Variants in DLGAP1 observed in about 807,000 individuals in gnomAD.
DLGAP1 encodes the protein disks large-associated protein 1.
DLGAP1 carries 11 observed loss-of-function variants against 90.8 expected under a neutral mutation model. The ratio of observed to expected loss-of-function variants is 0.12; its 90% CI spans 0.08 to 0.20. The LOEUF is 0.20. Among genes scored for constraint, DLGAP1 ranks in the 10% least tolerant of loss-of-function variants. The pLI is 1.00. For synonymous variants in DLGAP1, 558 were observed against 540.7 expected, an observed-to-expected ratio of 1.03 and a Z score of -0.44; for missense variants, 1,050 against 1,333.8, an observed-to-expected ratio of 0.79 and a Z score of 3.31.
chr18:3,766,511 AG>A (rs2064250110), intron 5 of DLGAP1, among the ~76,000 whole-genome samples: 1 of 152,150 alleles, frequency 6.6e-6, no homozygotes, highest in African/African-American at 2.4e-5. Context: ...ACCCAAGAAC[AG>A]CGGAATACTC....
chr18:3,646,368 G>A (rs1026728107), intron 7 of DLGAP1, among the ~76,000 whole-genome samples: 1 of 152,008 alleles, frequency 6.6e-6, no homozygotes, highest in African/African-American at 2.4e-5. Context: ...GCTCTAGCCT[G>A]GGCAAGATCC....
intron 3 of DLGAP1, among the ~76,000 whole-genome samples, chr18:3,954,721 C>T (rs1207870642): frequency 2.0e-5 from 3 of 152,166 alleles, no homozygotes; most frequent in African/African-American, 7.2e-5. Flanking sequence ...TGAGATACTT[C>T]TTCCTAAGAC....
At chr18:3,673,178 C>T (rs2060161365) in intron 7 of DLGAP1, among the ~76,000 whole-genome samples, 1 of 152,140 alleles carries the variant, frequency 6.6e-6, no homozygotes. Flanking sequence ...TCTGTGCGTG[C>T]CTGGGGAGCC....
At chr18:3,767,249 T>G (rs2064290894) in intron 5 of DLGAP1, among the ~76,000 whole-genome samples, 1 of 152,106 alleles carries the variant, frequency 6.6e-6, no homozygotes, top group Non-Finnish European at 1.5e-5. Context: ...ATATTGACTT[T>G]GTAATTTAAA....
intron 7 of DLGAP1, among the ~76,000 whole-genome samples, chr18:3,674,296 A>ATATATATAT (rs1555623972): frequency 0.11 from 13,832 of 128,752 alleles, 987 homozygotes; most frequent in East Asian, 0.15. Flanking sequence ...ATAATATTAA[A>ATATATATAT]ATATATATAT....
At chr18:4,436,748 T>C (rs2083409154) in intron 1 of DLGAP1, among the ~76,000 whole-genome samples, 1 of 152,332 alleles carries the variant, frequency 6.6e-6, no homozygotes, top group South Asian at 2.1e-4. Flanking sequence ...AAGTTCCTTC[T>C]TGGATTCAGC....
intron 9 of DLGAP1, among the ~76,000 whole-genome samples, chr18:3,544,003 A>G (rs1170005209): frequency 6.6e-6 from 1 of 151,798 alleles, no homozygotes; most frequent in East Asian, 1.9e-4. Flanking sequence ...ACAAACAAAC[A>G]AACAAAAACA....
At chr18:3,800,106 T>C (rs2066216917) in intron 5 of DLGAP1, among the ~76,000 whole-genome samples, 1 of 152,226 alleles carries the variant, frequency 6.6e-6, no homozygotes, top group Non-Finnish European at 1.5e-5. Context: ...AGCAGGGAAT[T>C]GGAACAGCAG....
intron 3 of DLGAP1, among the ~76,000 whole-genome samples, chr18:3,964,707 T>C (rs1269894441): frequency 6.6e-6 from 1 of 152,188 alleles, no homozygotes; most frequent in Non-Finnish European, 1.5e-5. Context: ...CAATGATACA[T>C]GGTAGCCACT....
rs1555718019 is a variant in DLGAP1 at position 3,977,434 on chromosome 18, G to GTGTTTTTTTTTTTTTTTTTTTT, written c.-73+27681_-73+27682insAAAAAAAAAAAAAAAAAAAACA. On this transcript the variant is annotated intron_variant, in intron 3 of 12. Transcript: ENST00000315677. ...AGTTAATGAATTATGTTTATTCTGTGTTTTTTTTTTTTTTTTTTTTGCTGA... is the reference window on the plus strand; with the variant it reads ...AGTTAATGAATTATGTTTATTCTGTGTGTTTTTTTTTTTTTTTTTTTTTTTTTTTTTTTTTTTTTTTTGCTGA... Among the ~76,000 whole-genome samples the GTGTTTTTTTTTTTTTTTTTTTT allele has an allele frequency of 3.7e-4, 35 of 95,340 alleles. 1 individual carries two copies. Among genetic ancestry groups the GTGTTTTTTTTTTTTTTTTTTTT allele is most frequent in the African/African-American group, 1.4e-3 (33 of 23,974 alleles). 62.5% of individuals were successfully genotyped at this position (95,340 alleles called of 152,430 possible).
chr18:3,708,891 C>T lies in DLGAP1; in HGVS notation c.1591+20244G>A, dbSNP rs558324951. 2.2e-4 allele frequency among the ~76,000 whole-genome samples: 33 copies of T among 152,260 alleles called. 1 individual carries two copies. The South Asian group carries it at 6.0e-3, about 28-fold the overall frequency. On this transcript the variant is annotated intron_variant, in intron 7 of 12. Coordinates refer to ENST00000315677, the MANE Select transcript of DLGAP1 (RefSeq NM_004746.4). ...GAAGAAGGGAGAGAGGACCAGGTTT[C>T]TTTAAAAACAGATTTTTCAGGGAAA...
At chr18:4,011,597 G>A (rs1263152807) in intron 2 of DLGAP1, among the ~76,000 whole-genome samples, 1 of 151,976 alleles carries the variant, frequency 6.6e-6, no homozygotes, top group African/African-American at 2.4e-5. Flanking sequence ...CAGGAGGATT[G>A]CTTGAGCTCA....
intron 1 of DLGAP1, among the ~76,000 whole-genome samples, chr18:4,286,058 C>T (rs1396818032): frequency 2.0e-5 from 3 of 152,116 alleles, no homozygotes; most frequent in Non-Finnish European, 4.4e-5. Flanking sequence ...GTCACTCCGG[C>T]AAACTCAGAA....
chr18:3,847,448 G>T (rs2069081636), intron 4 of DLGAP1, among the ~76,000 whole-genome samples: 1 of 151,920 alleles, frequency 6.6e-6, no homozygotes, highest in Non-Finnish European at 1.5e-5. Flanking sequence ...ATCTGCAAGA[G>T]TAAGAGCACC....
chr18:3,651,661 G>T (rs2059308353), intron 7 of DLGAP1, among the ~76,000 whole-genome samples: 1 of 151,234 alleles, frequency 6.6e-6, no homozygotes, highest in African/African-American at 2.4e-5. Flanking sequence ...GGGTGCAGTG[G>T]TTCACGCCTG....
chr18:3,776,417 C>T (rs530327406), intron 5 of DLGAP1, among the ~76,000 whole-genome samples: 1 of 152,276 alleles, frequency 6.6e-6, no homozygotes, highest in Admixed American at 6.5e-5. Flanking sequence ...TAGTCAGTCT[C>T]TTCTGTTTTT....
At chr18:4,138,428 ATTTC>A in intron 2 of DLGAP1, among the ~76,000 whole-genome samples, 1 of 152,026 alleles carries the variant, frequency 6.6e-6, no homozygotes, top group African/African-American at 2.4e-5. Context: ...TTGGGCAAAT[ATTTC>A]TATTGATATG....
At chr18:3,638,080 G>A (rs1391711713) in intron 7 of DLGAP1, among the ~76,000 whole-genome samples, 1 of 151,118 alleles carries the variant, frequency 6.6e-6, no homozygotes, top group Non-Finnish European at 1.5e-5. Context: ...CCGGGTAGCT[G>A]GGAGTACAGG....
At chr18:4,054,140 A>G (rs2075178040) in intron 2 of DLGAP1, among the ~76,000 whole-genome samples, 1 of 152,168 alleles carries the variant, frequency 6.6e-6, no homozygotes, top group Non-Finnish European at 1.5e-5. Flanking sequence ...ACTTTCTCTC[A>G]TGATTCTCAC....
Sources: allele counts gnomAD v4.1 joint callset (sites outside exome capture counted in the v4.1 genomes callset), GRCh38; gene constraint gnomAD v4.1.1; transcripts MANE v1.5; gene names NCBI Gene and HGNC (gene_info 2026-07-23, HGNC 2026-07-21).